The following DGLUCY variants were observed in gnomAD, a reference collection of about 807,000 sequenced individuals.
DGLUCY encodes D-glutamate cyclase.
A neutral mutation model predicts 58.5 loss-of-function variants in DGLUCY; 58 were observed. The ratio of observed to expected loss-of-function variants is 0.99; its 90% confidence interval spans 0.80 to 1.23. The LOEUF (loss-of-function observed/expected upper bound fraction) is 1.23, where lower values mean the gene tolerates loss of function less well. Ranked by LOEUF, DGLUCY falls within the 50% of genes most tolerant of loss-of-function variation. The pLI is 0.00. For missense variants in DGLUCY, 779 were observed against 784.7 expected (o/e 0.99, Z 0.09); for synonymous variants, 325 against 314.1 (o/e 1.03, Z -0.37).
At chr14:91,215,580 C>A in intron 13 of DGLUCY, 24 bp downstream of exon 13, 2 of 1,613,216 alleles carry the variant, frequency 1.2e-6, no homozygotes, top group South Asian at 1.1e-5. Context: ...GCCAGCCGCT[C>A]GCCTGGAAGC....
At chr14:91,065,334 A>G (rs1008318340) in intron 1 of DGLUCY, among the ~76,000 whole-genome samples, 2 of 152,210 alleles carry the variant, frequency 1.3e-5, no homozygotes, top group Non-Finnish European at 2.9e-5. Flanking sequence ...GCGGTTGGGC[A>G]ACAACCTGGT....
chr14:91,128,880 G>A (rs546830857), intron 1 of DGLUCY: 1 of 152,044 alleles, frequency 6.6e-6, no homozygotes, highest in Admixed American at 6.6e-5. Flanking sequence ...CTGGTTAGTT[G>A]GCCTGAGTCA....
intron 13 of DGLUCY, among the ~76,000 whole-genome samples, chr14:91,222,146 G>A (rs1251383273): frequency 6.6e-6 from 1 of 152,206 alleles, no homozygotes; most frequent in Non-Finnish European, 1.5e-5. Flanking sequence ...CTGCTCCCTG[G>A]TAATTCTCTG....
chr14:91,130,251 T>C (rs2045953940), intron 1 of DGLUCY, among the ~76,000 whole-genome samples: 1 of 152,198 alleles, frequency 6.6e-6, no homozygotes. Context: ...TGTCTCATTA[T>C]AGTTATAATT....
intron 7 of DGLUCY, among the ~76,000 whole-genome samples, chr14:91,178,890 G>T (rs1476291691): frequency 2.6e-5 from 4 of 152,056 alleles, no homozygotes; most frequent in Non-Finnish European, 5.9e-5. Context: ...AATTAGCCAG[G>T]CGTGATGGCA....
At chr14:91,168,666 G>A (rs2048408860) in intron 4 of DGLUCY, among the ~76,000 whole-genome samples, 1 of 152,210 alleles carries the variant, frequency 6.6e-6, no homozygotes, top group Admixed American at 6.5e-5. Context: ...AAACTCCTCT[G>A]TGGAAGAGAA....
intron 10 of DGLUCY, 149 bp from the exon 11 acceptor site, chr14:91,199,608 C>A: frequency 1.1e-6 from 1 of 871,920 alleles, no homozygotes; most frequent in South Asian, 1.7e-5. Flanking sequence ...AGGTCCTGGC[C>A]CAGAGTAGAT....
intron 1 of DGLUCY, among the ~76,000 whole-genome samples, chr14:91,147,241 A>G (rs1444781329): frequency 6.6e-6 from 1 of 152,188 alleles, no homozygotes. Context: ...TGGATGTGGC[A>G]CTGTCACTGG....
rs1399772704 is a variant in DGLUCY, at chr14:91,060,343, T to A, written c.-443T>A. 1 of 1,417,310 alleles carries A rather than the reference T, an allele frequency of 7.1e-7. No individual in the cohort carries two copies. The highest frequency in any genetic ancestry group is 9.3e-7 in the Non-Finnish European group (1 of 1,074,932). 87.8% of individuals were successfully genotyped at this position (1,417,310 alleles called of 1,614,324 possible). On this transcript the variant is annotated 5_prime_UTR_variant, in exon 1 of 5. Coordinates refer to the DGLUCY transcript ENST00000521334. ...GCGGGGTCGCTCACCAGTCCGCAGC[T>A]CGTGCTTGACAGTGAGGAGCTGCTC...
intron 1 of DGLUCY, among the ~76,000 whole-genome samples, chr14:91,080,819 G>A (rs1031771405): frequency 6.6e-6 from 1 of 152,128 alleles, no homozygotes; most frequent in Non-Finnish European, 1.5e-5. Flanking sequence ...CAACAAATAT[G>A]AGTGCCTTTT....
At chr14:91,181,128 A>C in intron 7 of DGLUCY, 58 bp from the exon 8 acceptor site, 6 of 1,535,276 alleles carry the variant, frequency 3.9e-6, no homozygotes, top group Non-Finnish European at 5.4e-6. Context: ...GGGCTAGATG[A>C]GGGTAGGCTG....
chr14:91,074,112 T>TACACACAC (rs1397235461), intron 1 of DGLUCY, among the ~76,000 whole-genome samples: 11 of 60,700 alleles, frequency 1.8e-4, no homozygotes, highest in Non-Finnish European at 2.5e-4. Context: ...AAAATATATA[T>TACACACAC]ATATATACAC....
At chr14:91,181,084 T>C in intron 7 of DGLUCY, 102 bp from the exon 8 acceptor site, 2 of 1,104,080 alleles carry the variant, frequency 1.8e-6, no homozygotes, top group Non-Finnish European at 2.7e-6. Context: ...TTAGGCTGAG[T>C]TGATGGCCAG....
rs1323345872 is a variant in DGLUCY, at chr14:91,188,982, G to A, written c.1007G>A (p.Arg336His). ...GCCTCTCTCTCGCTGTCCCATGCCC[G>A]CTCAGTGCTCATCACCACTGGGTTC... ...LKASLSLSHA[R>H]SVLITTGFPT... Residue 336 changes from arginine to histidine, a missense_variant, in exon 9 of 14, where the codon CGC becomes CAC. Coordinates refer to ENST00000256324, the MANE Select transcript of DGLUCY (RefSeq NM_001102368.3). 16 of 1,614,006 alleles carry A rather than the reference G, an allele frequency of 9.9e-6. No homozygotes were observed. The highest frequency in any genetic ancestry group is 4.4e-5 in the South Asian group (4 of 91,086).
At chr14:91,125,058 C>T (rs746346025) in intron 1 of DGLUCY, among the ~76,000 whole-genome samples, 19 of 152,152 alleles carry the variant, frequency 1.2e-4, no homozygotes, top group Non-Finnish European at 1.0e-4. Context: ...TTCTAAGTTG[C>T]CAGCCAATTG....
intron 1 of DGLUCY, among the ~76,000 whole-genome samples, chr14:91,075,834 C>T (rs1052100824): frequency 2.4e-4 from 36 of 152,120 alleles, no homozygotes; most frequent in Admixed American, 1.6e-3. Context: ...GATAACAGGC[C>T]GGGAGCAATG....
Position 91,173,352 on chromosome 14 carries a change from A to G in DGLUCY, c.520A>G (p.Ile174Val). ...CCCTCTGGTGGTCACGATGAGGCCC[A>G]TTCCCAAGGACAAGCTGGAAGGGCT... ...CCPLVVTMRP[I>V]PKDKLEGLVR... The change falls in exon 6 of 14, where the codon ATT becomes GTT. Residue 174 changes from isoleucine (I) to valine (V), a missense_variant. Transcript: ENST00000256324. The G allele has an allele frequency of 6.2e-7, 1 of 1,611,708 alleles. No individual in the cohort carries two copies. The highest frequency in any genetic ancestry group is 8.5e-7 in the Non-Finnish European group (1 of 1,179,664).
intron 1 of DGLUCY, among the ~76,000 whole-genome samples, chr14:91,079,359 C>CTTT (rs1166257201): frequency 7.1e-6 from 1 of 141,186 alleles, no homozygotes; most frequent in South Asian, 2.2e-4. Context: ...CTTTTCTTTT[C>CTTT]TTTTTTTTTT....
At position 91,198,002 on chromosome 14, in the gene DGLUCY, A is replaced by G. The variant is rs369720996; in HGVS notation, c.1295+1528A>G. 1.8e-4 allele frequency among the ~76,000 whole-genome samples: 27 copies of G among 152,306 alleles called. No homozygotes were observed. In the East Asian group the frequency reaches 2.5e-3, roughly 14 times the overall value. ...ATAGCAGAGTTGAGATTTTTGAAAAACACTGTCTTGGAAGGATTGAGAGAG... is the reference window on the plus strand; with the variant it reads ...ATAGCAGAGTTGAGATTTTTGAAAAGCACTGTCTTGGAAGGATTGAGAGAG... On this transcript the variant is annotated intron_variant, in intron 10 of 13. Transcript: ENST00000256324.
Sources: allele counts gnomAD v4.1 joint callset (sites outside exome capture counted in the v4.1 genomes callset), GRCh38; gene constraint gnomAD v4.1.1; transcripts MANE v1.5; gene names NCBI Gene and HGNC (gene_info 2026-07-23, HGNC 2026-07-21).